WRN: variants seen among roughly 807,000 people sequenced by gnomAD.
WRN encodes the protein WRN RecQ like helicase.
Under a neutral mutation model 180.7 loss-of-function variants are expected in WRN, and 149 were observed. The observed-to-expected ratio is 0.82, with a 90% CI of 0.72 to 0.94. WRN has a LOEUF of 0.94. Among genes scored for constraint, WRN ranks in the 40% least tolerant of loss-of-function variants. The pLI is 0.00. For missense variants in WRN, 1,661 were observed against 1,700.1 expected (o/e 0.98, Z 0.40); for synonymous variants, 548 against 568.9 (o/e 0.96, Z 0.52).
rs11574306 is a variant in WRN at position 31,116,832 on chromosome 8, G to A, written c.2448+304G>A. On this transcript the variant is annotated intron_variant, in intron 20 of 34. Transcript: ENST00000298139. ...GAAGTTTTTCAAGTATGCCAGGCCAGTAGGTGATGAGGGGAAAGGAATTGG... is the reference window on the plus strand; with the variant it reads ...GAAGTTTTTCAAGTATGCCAGGCCAATAGGTGATGAGGGGAAAGGAATTGG... 0.17 allele frequency among the ~76,000 whole-genome samples: 25,292 copies of A among 152,134 alleles called. 2,199 individuals carry two copies. Among genetic ancestry groups the A allele is most frequent in the South Asian group, 0.25 (1,225 of 4,810 alleles).
chr8:31,116,551 C>G, intron 20 of WRN, 23 bp downstream of exon 20: 1 of 1,612,642 alleles, frequency 6.2e-7, no homozygotes, highest in Non-Finnish European at 8.5e-7. Flanking sequence ...ATCATCATTG[C>G]TCTCCGTTGC....
chr8:31,159,539 A>T (rs1163734754), intron 33 of WRN, among the ~76,000 whole-genome samples: 2 of 152,162 alleles, frequency 1.3e-5, no homozygotes, highest in Admixed American at 1.3e-4. Context: ...ATAATTTAAA[A>T]AAATTATAAT....
chr8:31,151,951 T>TA (rs1194503691), intron 31 of WRN, among the ~76,000 whole-genome samples: 1 of 152,136 alleles, frequency 6.6e-6, no homozygotes, highest in African/African-American at 2.4e-5. Flanking sequence ...CAATACACAT[T>TA]AAAAATTACA....
chr8:31,126,304 C>G (rs1801931148), intron 23 of WRN, among the ~76,000 whole-genome samples: 1 of 151,896 alleles, frequency 6.6e-6, no homozygotes, highest in Admixed American at 6.6e-5. Flanking sequence ...TATTTTTTGA[C>G]TAGAATGGAA....
chr8:31,082,129 AGTT>A (rs1813341515), intron 9 of WRN, among the ~76,000 whole-genome samples: 2 of 152,124 alleles, frequency 1.3e-5, no homozygotes, highest in South Asian at 4.1e-4. Flanking sequence ...TTGACACTAT[AGTT>A]TTACTGTCAT....
At chr8:31,112,855 T>C (rs1307724533) in intron 19 of WRN, among the ~76,000 whole-genome samples, 4 of 152,154 alleles carry the variant, frequency 2.6e-5, no homozygotes, top group Non-Finnish European at 5.9e-5. Context: ...TCCAAAGTGC[T>C]GGAATTACAG....
At chr8:31,070,796 G>A (rs1391451576) in intron 7 of WRN, among the ~76,000 whole-genome samples, 4 of 152,166 alleles carry the variant, frequency 2.6e-5, no homozygotes, top group Non-Finnish European at 5.9e-5. Flanking sequence ...TGTAATCCTA[G>A]CACTTTGGGA....
Position 31,147,494 on chromosome 8 carries a change from T to C in WRN, c.3572+18T>C. The C allele has an allele frequency of 6.8e-7, 1 of 1,460,312 alleles. No homozygotes were observed. The highest frequency in any genetic ancestry group is 9.0e-7 in the Non-Finnish European group (1 of 1,105,186). 90.5% of individuals were successfully genotyped at this position (1,460,312 alleles called of 1,614,324 possible). On this transcript the variant is annotated intron_variant, in intron 30 of 34. Transcript: ENST00000298139. ...AAAATGAGGTAAACTATCTTTTGCA[T>C]GTGTTCTATTTATTTCCTTCTAACA...
chr8:31,055,014 T>C lies in WRN; in HGVS notation c.-76-3358T>C, dbSNP rs1192589803. On this transcript the variant is annotated intron_variant, in intron 1 of 34. Coordinates refer to ENST00000298139, the MANE Select transcript of WRN (RefSeq NM_000553.6). ...TTGTTAGTTTGCTGAGGATAATGGA[T>C]TCCAGTTCCATCCATGTCCCTGCAA... Among the ~76,000 whole-genome samples the C allele has an allele frequency of 5.9e-5, 9 of 152,226 alleles. No homozygotes were observed. The East Asian group carries it at 1.7e-3, about 29-fold the overall frequency.
At chr8:31,066,097 C>T (rs1204392183) in intron 5 of WRN, among the ~76,000 whole-genome samples, 5 of 151,842 alleles carry the variant, frequency 3.3e-5, no homozygotes, top group Admixed American at 1.3e-4. Context: ...AGGCTGATCT[C>T]GAACTCCTGA....
chr8:31,050,395 G>A (rs542379284), intron 1 of WRN, among the ~76,000 whole-genome samples: 6 of 152,068 alleles, frequency 3.9e-5, no homozygotes, highest in Admixed American at 1.3e-4. Context: ...GTAAATGACC[G>A]TCAAATAAAG....
At chr8:31,078,835 C>T (rs537528644) in intron 8 of WRN, among the ~76,000 whole-genome samples, 1 of 152,264 alleles carries the variant, frequency 6.6e-6, no homozygotes, top group East Asian at 1.9e-4. Context: ...GAAGGCAGGA[C>T]AGCCGTTGGT....
At chr8:31,140,759 T>C (rs1448223778) in intron 24 of WRN, among the ~76,000 whole-genome samples, 1 of 152,048 alleles carries the variant, frequency 6.6e-6, no homozygotes, top group Non-Finnish European at 1.5e-5. Flanking sequence ...TTGTTTTGTT[T>C]TGTTTTGTTT....
intron 8 of WRN, among the ~76,000 whole-genome samples, chr8:31,077,795 G>A (rs868367578): frequency 6.6e-6 from 1 of 152,212 alleles, no homozygotes; most frequent in African/African-American, 2.4e-5. Context: ...TATTTGGGAA[G>A]CAAGAATTAA....
At chr8:31,044,591 G>A (rs967882860) in intron 1 of WRN, among the ~76,000 whole-genome samples, 3 of 151,972 alleles carry the variant, frequency 2.0e-5, no homozygotes, top group African/African-American at 7.2e-5. Flanking sequence ...TCTTGACTAC[G>A]TGATCCGCCT....
chr8:31,063,169 T>A (rs1397848549), intron 3 of WRN, among the ~76,000 whole-genome samples: 1 of 152,218 alleles, frequency 6.6e-6, no homozygotes, highest in Non-Finnish European at 1.5e-5. Context: ...AATAATTTTA[T>A]GTCTGAAAAT....
rs1406193184 is a variant in WRN, at chr8:31,143,621, A to C, written c.3381A>C (p.Lys1127Asn). ...KISSGSNISKKSIMVQSPEKA... is the reference protein window; with the variant it reads ...KISSGSNISKNSIMVQSPEKA... ...CTTCTGGGAGTAACATTTCTAAAAA[A>C]AGGTACAGAGTTCCATATTTCTATG... The change falls in exon 28 of 35, where the codon AAA becomes AAC. Residue 1127 changes from lysine (K) to asparagine (N), a missense_variant and splice_region_variant. This residue lies in a region of WRN where 1,141 missense variants were observed against 1,149.4 expected (regional missense o/e 0.99). Transcript: ENST00000298139. 1 of 1,581,026 alleles carries C rather than the reference A, an allele frequency of 6.3e-7. No homozygotes were observed. Among genetic ancestry groups the C allele is most frequent in the Non-Finnish European group, 8.7e-7 (1 of 1,151,226 alleles).
At chr8:31,152,722 G>T (rs1229546128) in intron 31 of WRN, among the ~76,000 whole-genome samples, 1 of 152,182 alleles carries the variant, frequency 6.6e-6, no homozygotes, top group Non-Finnish European at 1.5e-5. Flanking sequence ...TCTTTGTTAA[G>T]AGACTACTTA....
intron 3 of WRN, among the ~76,000 whole-genome samples, chr8:31,060,412 T>G (rs549610853): frequency 6.6e-6 from 1 of 152,042 alleles, no homozygotes; most frequent in South Asian, 2.1e-4. Context: ...AATTTAAAAA[T>G]TAGCCAGGTG....
Sources: allele counts gnomAD v4.1 joint callset (sites outside exome capture counted in the v4.1 genomes callset), GRCh38; gene constraint gnomAD v4.1.1; regional missense constraint gnomAD v4.1.1; transcripts MANE v1.5; gene names NCBI Gene and HGNC (gene_info 2026-07-23, HGNC 2026-07-21).